Variants in AK5 observed in about 807,000 individuals in gnomAD.
AK5 encodes adenylate kinase isoenzyme 5.
AK5 carries 27 observed loss-of-function variants against 69.5 expected under a neutral mutation model. The observed-to-expected ratio is 0.39, with a 90% CI of 0.29 to 0.54. The LOEUF is 0.54. Among genes scored for constraint, AK5 ranks in the 20% least tolerant of loss-of-function variants. The pLI is 0.71. For missense variants in AK5, 531 were observed against 700.4 expected (o/e 0.76, Z 2.73); for synonymous variants, 260 against 244.4 (o/e 1.06, Z -0.60).
At chr1:77,493,649 C>G (rs1336134091) in intron 10 of AK5, among the ~76,000 whole-genome samples, 1 of 152,076 alleles carries the variant, frequency 6.6e-6, no homozygotes, top group Non-Finnish European at 1.5e-5. Flanking sequence ...AACACAGACA[C>G]CAGATCTCCA....
intron 12 of AK5, among the ~76,000 whole-genome samples, chr1:77,533,691 T>C (rs1171778271): frequency 6.6e-6 from 1 of 152,058 alleles, no homozygotes; most frequent in East Asian, 1.9e-4. Flanking sequence ...GTCTAAAAGG[T>C]CATTTGCTGC....
intron 8 of AK5, among the ~76,000 whole-genome samples, chr1:77,453,362 AT>A (rs554164745): frequency 1.9e-3 from 294 of 152,314 alleles, no homozygotes; most frequent in African/African-American, 6.8e-3. Context: ...ATTTTTTCAT[AT>A]TTTAACCCCT....
intron 8 of AK5, among the ~76,000 whole-genome samples, chr1:77,470,566 A>T (rs1233228252): frequency 6.6e-6 from 1 of 152,088 alleles, no homozygotes; most frequent in Non-Finnish European, 1.5e-5. Flanking sequence ...CATGTACTGC[A>T]TGTAAGAATA....
At chr1:77,426,896 T>TA (rs1210044224) in intron 8 of AK5, among the ~76,000 whole-genome samples, 1 of 151,890 alleles carries the variant, frequency 6.6e-6, no homozygotes, top group Non-Finnish European at 1.5e-5. Flanking sequence ...TTGGGTCAAA[T>TA]AAAAAACCTC....
chr1:77,407,669 A>C (rs1355298296), intron 6 of AK5, among the ~76,000 whole-genome samples: 1 of 151,968 alleles, frequency 6.6e-6, no homozygotes, highest in Admixed American at 6.6e-5. Context: ...ACATGTGCAG[A>C]TTTGCTACCT....
At chr1:77,300,324 A>G (rs953982929) in intron 5 of AK5, among the ~76,000 whole-genome samples, 30 of 152,174 alleles carry the variant, frequency 2.0e-4, no homozygotes, top group African/African-American at 6.8e-4. Flanking sequence ...ATTGTTTTCA[A>G]CCACACTTCT....
intron 6 of AK5, among the ~76,000 whole-genome samples, chr1:77,406,738 A>G (rs558290554): frequency 6.3e-5 from 9 of 143,652 alleles, no homozygotes; most frequent in African/African-American, 2.2e-4. Context: ...GATTAGAGAA[A>G]ACAGTACCTG....
chr1:77,466,773 G>A (rs1654168622), intron 8 of AK5, among the ~76,000 whole-genome samples: 2 of 152,182 alleles, frequency 1.3e-5, no homozygotes, highest in Admixed American at 1.3e-4. Context: ...CTTTTTAAGA[G>A]GGCTCTGCCC....
At chr1:77,457,284 G>A (rs1653551728) in intron 8 of AK5, among the ~76,000 whole-genome samples, 1 of 152,196 alleles carries the variant, frequency 6.6e-6, no homozygotes, top group East Asian at 1.9e-4. Context: ...TCAATGTGGA[G>A]ACGCAGGTCC....
intron 5 of AK5, among the ~76,000 whole-genome samples, chr1:77,323,747 AGT>A (rs2100332032): frequency 6.6e-6 from 1 of 152,330 alleles, no homozygotes; most frequent in Admixed American, 6.5e-5. Context: ...TTCTTTAGTC[AGT>A]GTGTGTTTAT....
intron 5 of AK5, chr1:77,313,876 C>T (rs183473013): frequency 5.6e-5 from 30 of 532,318 alleles, no homozygotes; most frequent in Middle Eastern, 3.2e-4. Flanking sequence ...ATGTCCAGTC[C>T]GTCAAGATTC....
At chr1:77,340,965 A>G (rs1179158081) in intron 6 of AK5, 1 of 158,704 alleles carries the variant, frequency 6.3e-6, no homozygotes, top group Non-Finnish European at 1.4e-5. Context: ...TGGGGTTATA[A>G]TAGATTTAAG....
At chr1:77,423,219 T>TAAAAAAA (rs760020710) in intron 8 of AK5, among the ~76,000 whole-genome samples, 27 of 88,680 alleles carry the variant, frequency 3.0e-4, no homozygotes, top group African/African-American at 5.4e-4. Context: ...AGACTCCGTC[T>TAAAAAAA]AAAAAAAAAA....
At chr1:77,471,254 C>G (rs1302251066) in intron 8 of AK5, among the ~76,000 whole-genome samples, 1 of 152,064 alleles carries the variant, frequency 6.6e-6, no homozygotes, top group African/African-American at 2.4e-5. Context: ...CTCTATCTCA[C>G]ACACTTTCTA....
chr1:77,368,733 A>G (rs1386180463), intron 6 of AK5, among the ~76,000 whole-genome samples: 1 of 152,156 alleles, frequency 6.6e-6, no homozygotes, highest in Non-Finnish European at 1.5e-5. Flanking sequence ...GAAATCTGAA[A>G]TGTCAAGTGT....
intron 13 of AK5, among the ~76,000 whole-genome samples, chr1:77,543,827 A>G (rs974408453): frequency 3.3e-5 from 5 of 152,288 alleles, no homozygotes; most frequent in South Asian, 2.1e-4. Flanking sequence ...AGCAGGGACA[A>G]TGGAGGGAAT....
At chr1:77,423,118 G>T (rs1240299799) in intron 8 of AK5, among the ~76,000 whole-genome samples, 1 of 151,554 alleles carries the variant, frequency 6.6e-6, no homozygotes, top group Non-Finnish European at 1.5e-5. Context: ...CTACTTGGGA[G>T]GCTGAGGCAG....
chr1:77,397,326 A>G (rs991184657), intron 6 of AK5, among the ~76,000 whole-genome samples: 3 of 151,910 alleles, frequency 2.0e-5, no homozygotes, highest in Non-Finnish European at 4.4e-5. Context: ...CACCTCCATC[A>G]CAGCCCTTCC....
intron 5 of AK5, chr1:77,314,672 G>C (rs908455753): frequency 6.6e-6 from 1 of 151,996 alleles, no homozygotes; most frequent in Non-Finnish European, 1.5e-5. Flanking sequence ...CCTCCTTTTA[G>C]CTATTTGAAA....
Sources: gnomAD v4.1 joint callset for allele counts (sites outside exome capture counted in the v4.1 genomes callset) on GRCh38, gnomAD v4.1.1 for gene constraint, MANE v1.5 for transcripts, NCBI Gene and HGNC (gene_info 2026-07-23, HGNC 2026-07-21) for gene names.